The following SNX29 variants were observed in gnomAD, a reference collection of about 807,000 sequenced individuals.
SNX29 encodes sorting nexin-29.
SNX29 carries 78 observed loss-of-function variants against 102.1 expected under a neutral mutation model. That is an observed-to-expected ratio of 0.76 (90% confidence interval 0.64 to 0.92). The LOEUF (loss-of-function observed/expected upper bound fraction) is 0.92. Ranked by LOEUF, SNX29 falls within the 40% of genes least tolerant of loss-of-function variation. The pLI is 0.00. For synonymous variants in SNX29, 580 were observed against 414.5 expected (o/e 1.40, Z -4.85); for missense variants, 1,280 against 1,061.7 (o/e 1.21, Z -2.86).
intron 13 of SNX29, among the ~76,000 whole-genome samples, chr16:12,187,710 G>T (rs1429746029): frequency 6.6e-6 from 1 of 151,394 alleles, no homozygotes; most frequent in Non-Finnish European, 1.5e-5. Flanking sequence ...TATTTGGGTT[G>T]CCAGACTTGT....
chr16:12,249,741 T>C (rs186416629), intron 14 of SNX29, among the ~76,000 whole-genome samples: 7 of 152,314 alleles, frequency 4.6e-5, no homozygotes, highest in Admixed American at 3.3e-4. Flanking sequence ...GAATAATACA[T>C]GTAAAAGTTC....
intron 14 of SNX29, among the ~76,000 whole-genome samples, chr16:12,253,958 G>A (rs1461791519): frequency 6.6e-6 from 1 of 152,164 alleles, no homozygotes; most frequent in South Asian, 2.1e-4. Flanking sequence ...CTGGCCTTAT[G>A]TGGATGCTGG....
intron 16 of SNX29, among the ~76,000 whole-genome samples, chr16:12,386,286 C>T (rs548007494): frequency 9.6e-4 from 146 of 152,282 alleles, no homozygotes; most frequent in African/African-American, 3.2e-3. Flanking sequence ...TCACACTTGC[C>T]GAGAGCCCTG....
At chr16:12,401,303 T>A (rs1397599600) in intron 17 of SNX29, among the ~76,000 whole-genome samples, 1 of 152,028 alleles carries the variant, frequency 6.6e-6, no homozygotes, top group East Asian at 1.9e-4. Flanking sequence ...CAGTCTCAAT[T>A]AATTTTTAAA....
chr16:12,424,076 C>T (rs769057110), intron 18 of SNX29, among the ~76,000 whole-genome samples: 5 of 152,196 alleles, frequency 3.3e-5, no homozygotes, highest in African/African-American at 4.8e-5. Context: ...CACATGTCTA[C>T]GTTAGAGCCT....
chr16:12,304,694 G>A (rs2080285267), intron 15 of SNX29, among the ~76,000 whole-genome samples: 1 of 152,252 alleles, frequency 6.6e-6, no homozygotes, highest in East Asian at 1.9e-4. Context: ...CACCTGGCCA[G>A]CTTCACTTAT....
intron 13 of SNX29, among the ~76,000 whole-genome samples, chr16:12,166,497 G>T (rs2056029845): frequency 6.6e-6 from 1 of 152,212 alleles, no homozygotes; most frequent in African/African-American, 2.4e-5. Context: ...GGAAGGCGGG[G>T]GGCATAGGCA....
intron 13 of SNX29, among the ~76,000 whole-genome samples, chr16:12,187,058 C>T (rs997533509): frequency 1.2e-4 from 18 of 152,198 alleles, no homozygotes; most frequent in African/African-American, 4.1e-4. Context: ...CGGAGGAATC[C>T]GGACTTCCAC....
chr16:12,467,064 G>A (rs889975695), intron 18 of SNX29, among the ~76,000 whole-genome samples: 9 of 152,212 alleles, frequency 5.9e-5, no homozygotes, highest in Admixed American at 1.3e-4. Flanking sequence ...CCAGTGATGC[G>A]AAGATGTGGG....
chr16:12,419,839 C>T (rs942225865), intron 18 of SNX29, among the ~76,000 whole-genome samples: 3 of 152,188 alleles, frequency 2.0e-5, no homozygotes, highest in Non-Finnish European at 4.4e-5. Flanking sequence ...GTACCTACTC[C>T]TAAAGCCATA....
intron 19 of SNX29, among the ~76,000 whole-genome samples, chr16:12,482,161 C>A (rs1167536846): frequency 2.0e-5 from 3 of 152,192 alleles, no homozygotes; most frequent in African/African-American, 7.2e-5. Flanking sequence ...AGAATCTTTT[C>A]TTTGATTGGG....
intron 20 of SNX29, among the ~76,000 whole-genome samples, chr16:12,535,525 C>T (rs944224818): frequency 6.6e-6 from 1 of 152,152 alleles, no homozygotes; most frequent in African/African-American, 2.4e-5. Flanking sequence ...AGTGAAGTGG[C>T]CAAGCCATAG....
chr16:12,441,620 A>C (rs1346874220), intron 18 of SNX29, among the ~76,000 whole-genome samples: 2 of 152,054 alleles, frequency 1.3e-5, no homozygotes, highest in Non-Finnish European at 1.5e-5. Flanking sequence ...AAAAGTTTTT[A>C]ATGTCGGTAA....
chr16:12,234,217 C>CT (rs1404067626), intron 14 of SNX29, among the ~76,000 whole-genome samples: 2 of 151,976 alleles, frequency 1.3e-5, no homozygotes, highest in South Asian at 2.1e-4. Flanking sequence ...TATTGTCTGT[C>CT]TTTTTTTTAT....
At chr16:12,315,241 T>C (rs1002072304) in intron 15 of SNX29, among the ~76,000 whole-genome samples, 3 of 151,878 alleles carry the variant, frequency 2.0e-5, no homozygotes, top group Non-Finnish European at 2.9e-5. Flanking sequence ...ATGCAGAAAA[T>C]TATTGTTGTT....
intron 8 of SNX29, among the ~76,000 whole-genome samples, chr16:12,056,412 C>G (rs1464206828): frequency 2.6e-5 from 4 of 152,208 alleles, no homozygotes; most frequent in African/African-American, 4.8e-5. Flanking sequence ...TCTTGACTGA[C>G]CCTTCCACAG....
intron 19 of SNX29, among the ~76,000 whole-genome samples, chr16:12,488,065 A>AT (rs1156931193): frequency 6.6e-6 from 1 of 152,230 alleles, no homozygotes; most frequent in Admixed American, 6.5e-5. Flanking sequence ...AGGCCTATGC[A>AT]TAGGTATATA....
At chr16:12,427,113 A>G (rs1215889254) in intron 18 of SNX29, among the ~76,000 whole-genome samples, 1 of 152,158 alleles carries the variant, frequency 6.6e-6, no homozygotes, top group Non-Finnish European at 1.5e-5. Flanking sequence ...AGCATAGGAA[A>G]AGACATGGAA....
intron 14 of SNX29, among the ~76,000 whole-genome samples, chr16:12,261,901 C>T (rs1265056372): frequency 2.9e-5 from 4 of 136,508 alleles, no homozygotes; most frequent in East Asian, 2.3e-4. Context: ...TCTGTGCATG[C>T]GTCCCCGGCT....
Sources: gnomAD v4.1 joint callset for allele counts (sites outside exome capture counted in the v4.1 genomes callset) on GRCh38, gnomAD v4.1.1 for gene constraint, MANE v1.5 for transcripts, NCBI Gene and HGNC (gene_info 2026-07-23, HGNC 2026-07-21) for gene names.